The following BCO1 variants were observed in gnomAD, a reference collection of about 807,000 sequenced individuals.
BCO1 encodes beta,beta-carotene 15,15'-dioxygenase.
A neutral mutation model predicts 56.3 loss-of-function variants in BCO1; 54 were observed. The ratio of observed to expected loss-of-function variants is 0.96; its 90% confidence interval spans 0.77 to 1.20. The LOEUF (loss-of-function observed/expected upper bound fraction) is 1.20. Among genes scored for constraint, BCO1 ranks in the 50% most tolerant of loss-of-function variants. BCO1 has a pLI of 0.00. For missense variants in BCO1, 801 were observed against 690.9 expected (o/e 1.16, Z -1.79); for synonymous variants, 318 against 266.1 (o/e 1.20, Z -1.90).
At chr16:81,258,285 C>A (rs972520593) in intron 2 of BCO1, among the ~76,000 whole-genome samples, 1 of 152,148 alleles carries the variant, frequency 6.6e-6, no homozygotes, top group African/African-American at 2.4e-5. Context: ...GGTCTAGAAC[C>A]ATCTGGTATA....
intron 7 of BCO1, 59 bp from the exon 8 acceptor site, chr16:81,280,798 A>C: frequency 7.9e-7 from 1 of 1,262,712 alleles, no homozygotes; most frequent in Middle Eastern, 1.9e-4. Flanking sequence ...ACACTAAAGC[A>C]AATGTTTGCT....
rs188964747 is a variant in BCO1, at chr16:81,249,551, C to T, written c.193+3948C>T. Among the ~76,000 whole-genome samples, 460 of 152,182 alleles carry T rather than the reference C, an allele frequency of 3.0e-3. 1 individual carries two copies. The highest frequency in any genetic ancestry group is 0.01 in the African/African-American group (418 of 41,520). On this transcript the variant is annotated intron_variant, in intron 2 of 10. Coordinates refer to ENST00000258168, the MANE Select transcript of BCO1 (RefSeq NM_017429.3). ...GATTACAGGTGTGAGCCACTGTGCC[C>T]GGCCCCGGCTAGGTTTTTTTGTATT...
intron 2 of BCO1, among the ~76,000 whole-genome samples, chr16:81,248,181 C>T (rs1231377463): frequency 6.6e-6 from 1 of 151,970 alleles, no homozygotes; most frequent in Non-Finnish European, 1.5e-5. Context: ...GCGGGTGGAT[C>T]ACCTGAGATC....
At chr16:81,282,928 A>G (rs11865869) in intron 8 of BCO1, among the ~76,000 whole-genome samples, 26,798 of 152,048 alleles carry the variant, frequency 0.18, 3,030 homozygotes, top group Non-Finnish European at 0.23. Flanking sequence ...ACGTACATCA[A>G]GGGCTTAGTG....
chr16:81,255,856 C>T (rs979438377), intron 2 of BCO1, among the ~76,000 whole-genome samples: 11 of 151,938 alleles, frequency 7.2e-5, no homozygotes, highest in African/African-American at 2.4e-4. Flanking sequence ...CATTGAGTCT[C>T]GCTCTGTTGC....
At position 81,271,023 on chromosome 16, in the gene BCO1, C is replaced by T. The variant is rs529164246; in HGVS notation, c.1101+607C>T. Among the ~76,000 whole-genome samples the T allele has an allele frequency of 1.4e-3, 214 of 152,272 alleles. 1 individual carries two copies. The highest frequency in any genetic ancestry group is 4.8e-3 in the African/African-American group (200 of 41,566). Reference sequence around the variant, plus strand: ...CCTCCCAAAGTGCTGGGATTACAGGCGTGAGCCACTGCACCTGGCTGTCTT... The same window carrying T: ...CCTCCCAAAGTGCTGGGATTACAGGTGTGAGCCACTGCACCTGGCTGTCTT... On this transcript the variant is annotated intron_variant, in intron 7 of 10. Transcript: ENST00000258168.
intron 7 of BCO1, among the ~76,000 whole-genome samples, chr16:81,272,340 A>T (rs1295713778): frequency 6.6e-6 from 1 of 151,064 alleles, no homozygotes; most frequent in African/African-American, 2.4e-5. Context: ...GGATGGTCTC[A>T]ACCTCCTGAC....
At chr16:81,250,420 A>G (rs1905716840) in intron 2 of BCO1, among the ~76,000 whole-genome samples, 1 of 151,712 alleles carries the variant, frequency 6.6e-6, no homozygotes, top group Non-Finnish European at 1.5e-5. Flanking sequence ...TCTCCGTGGC[A>G]CCCCATTGTC....
At chr16:81,239,229 C>A (rs575905356) in intron 1 of BCO1, among the ~76,000 whole-genome samples, 12 of 152,080 alleles carry the variant, frequency 7.9e-5, no homozygotes, top group African/African-American at 2.9e-4. Flanking sequence ...GTTGGCCAGG[C>A]TGGTCTCGAA....
intron 8 of BCO1, among the ~76,000 whole-genome samples, chr16:81,284,899 C>G (rs956120522): frequency 6.7e-5 from 10 of 150,286 alleles, no homozygotes; most frequent in Non-Finnish European, 1.0e-4. Flanking sequence ...TGAAGTGGCA[C>G]GATCTCGGCT....
At chr16:81,268,297 A>T (rs945133022) in intron 6 of BCO1, among the ~76,000 whole-genome samples, 166 bp downstream of exon 6, 1 of 152,144 alleles carries the variant, frequency 6.6e-6, no homozygotes, top group Non-Finnish European at 1.5e-5. Context: ...ATGGTCCTTC[A>T]GAATGGCCCC....
intron 1 of BCO1, among the ~76,000 whole-genome samples, chr16:81,242,139 C>G (rs927603238): frequency 2.0e-5 from 3 of 150,788 alleles, no homozygotes; most frequent in African/African-American, 7.3e-5. Context: ...GCCCTGGGTG[C>G]CTGTGCCTGG....
chr16:81,252,195 T>A (rs778487467), intron 2 of BCO1, among the ~76,000 whole-genome samples: 4 of 151,928 alleles, frequency 2.6e-5, no homozygotes, highest in Non-Finnish European at 5.9e-5. Flanking sequence ...GCCTGGGTGT[T>A]TATATTTCTT....
chr16:81,278,515 A>G (rs754729880), intron 7 of BCO1, among the ~76,000 whole-genome samples: 10 of 152,246 alleles, frequency 6.6e-5, no homozygotes, highest in Non-Finnish European at 1.5e-4. Flanking sequence ...CTTCCTGGGC[A>G]CTAGGTGCCA....
chr16:81,276,949 C>T (rs544180483), intron 7 of BCO1, among the ~76,000 whole-genome samples: 1 of 151,512 alleles, frequency 6.6e-6, no homozygotes, highest in East Asian at 2.0e-4. Context: ...TGCCTGTAAC[C>T]TCAGCTACTC....
Position 81,245,525 on chromosome 16 carries a change from A to G in BCO1, c.115A>G (p.Met39Val). ...AACCCTGCTCCGCAATGGGCCTGGGATGCACACAGTTGGGGAGTCCAGATA... is the reference window on the plus strand; with the variant it reads ...AACCCTGCTCCGCAATGGGCCTGGGGTGCACACAGTTGGGGAGTCCAGATA... ...QGTLLRNGPG[M>V]HTVGESRYNH... is the part of the protein sequence containing the mutation. Residue 39 changes from methionine (M) to valine (V), a missense_variant, in exon 2 of 11, where the codon ATG (methionine) becomes GTG (valine). Met to Val is a conservative substitution (Grantham distance 21). Coordinates refer to ENST00000258168, the MANE Select transcript of BCO1 (RefSeq NM_017429.3). 2 of 1,613,792 alleles carry G rather than the reference A, an allele frequency of 1.2e-6. No homozygotes were observed. The highest frequency in any genetic ancestry group is 1.7e-6 in the Non-Finnish European group (2 of 1,179,712).
Position 81,261,713 on chromosome 16 carries a change from T to G in BCO1, c.324-423T>G, listed in dbSNP as rs140745712. Among the ~76,000 whole-genome samples, 1,430 of 152,268 alleles carry G rather than the reference T, an allele frequency of 9.4e-3. 12 individuals carry two copies. The highest frequency in any genetic ancestry group is 0.015 in the Non-Finnish European group (1,020 of 68,020). ...CCTCAGGTGACCCATTGGGACCCAG[T>G]TGCTTTTTCTTCCTTAGTTGAAGTA... On this transcript the variant is annotated intron_variant, in intron 3 of 10. Coordinates refer to ENST00000258168, the MANE Select transcript of BCO1 (RefSeq NM_017429.3).
chr16:81,245,825 C>T (rs1401895446), intron 2 of BCO1, among the ~76,000 whole-genome samples: 1 of 146,642 alleles, frequency 6.8e-6, no homozygotes, highest in Non-Finnish European at 1.5e-5. Flanking sequence ...AGCCGCTTTC[C>T]TTGACTTGTG....
chr16:81,265,883 C>G (rs1445233030), intron 5 of BCO1, among the ~76,000 whole-genome samples: 1 of 141,664 alleles, frequency 7.1e-6, no homozygotes, highest in Non-Finnish European at 1.6e-5. Flanking sequence ...ATCCATCTAC[C>G]ATCCATCCAT....
Sources: allele counts gnomAD v4.1 joint callset (sites outside exome capture counted in the v4.1 genomes callset), GRCh38; gene constraint gnomAD v4.1.1; transcripts MANE v1.5; gene names NCBI Gene and HGNC (gene_info 2026-07-23, HGNC 2026-07-21).